FAF1: variants seen among roughly 807,000 people sequenced by gnomAD.
FAF1 encodes Fas associated factor 1.
In FAF1, 25 loss-of-function variants were observed where a neutral mutation model predicts 92.5. That is an observed-to-expected ratio of 0.27 (90% CI 0.20 to 0.38). The LOEUF (loss-of-function observed/expected upper bound fraction) is 0.38, where lower values mean the gene tolerates loss of function less well. Ranked by LOEUF, FAF1 falls within the 10% of genes least tolerant of loss-of-function variation. The pLI is 1.00. For missense variants in FAF1, 636 were observed against 793.3 expected, an observed-to-expected ratio of 0.80 and a Z score of 2.38; for synonymous variants, 234 against 273.2, an observed-to-expected ratio of 0.86 and a Z score of 1.42.
intron 7 of FAF1, among the ~76,000 whole-genome samples, chr1:50,704,658 T>A (rs1657600634): frequency 1.3e-5 from 2 of 152,208 alleles, no homozygotes; most frequent in Admixed American, 1.3e-4. Context: ...AATTACAATT[T>A]ATACATATTT....
chr1:50,779,761 T>C (rs1159253240), intron 4 of FAF1, among the ~76,000 whole-genome samples: 1 of 151,942 alleles, frequency 6.6e-6, no homozygotes, highest in Non-Finnish European at 1.5e-5. Context: ...AGATGTCTTA[T>C]GGAAACCATA....
intron 12 of FAF1, among the ~76,000 whole-genome samples, chr1:50,577,796 A>G (rs1005888831): frequency 2.6e-5 from 4 of 152,238 alleles, no homozygotes; most frequent in African/African-American, 7.2e-5. Context: ...TGATCAGTAC[A>G]TTATCAGAAG....
chr1:50,755,867 C>T (rs1162067769), intron 4 of FAF1, among the ~76,000 whole-genome samples: 1 of 152,190 alleles, frequency 6.6e-6, no homozygotes, highest in Non-Finnish European at 1.5e-5. Context: ...TCCTTTCAGC[C>T]ACAGCTGCAG....
At chr1:50,690,998 C>A (rs1656896959) in intron 7 of FAF1, among the ~76,000 whole-genome samples, 2 of 152,170 alleles carry the variant, frequency 1.3e-5, no homozygotes, top group Admixed American at 1.3e-4. Context: ...TGGACTTCCA[C>A]ATTTTGGCTA....
chr1:50,883,277 A>G (rs1316604970), intron 1 of FAF1, among the ~76,000 whole-genome samples: 1 of 152,242 alleles, frequency 6.6e-6, no homozygotes, highest in African/African-American at 2.4e-5. Flanking sequence ...CACTGAATAA[A>G]TAAAAATCCA....
At chr1:50,819,630 T>C (rs1644012959) in intron 2 of FAF1, among the ~76,000 whole-genome samples, 1 of 104,730 alleles carries the variant, frequency 9.5e-6, no homozygotes, top group African/African-American at 5.0e-5. Context: ...ACCGACTGAC[T>C]GACTCACTCA....
intron 6 of FAF1, among the ~76,000 whole-genome samples, chr1:50,723,520 G>C (rs1030918519): frequency 6.6e-6 from 1 of 152,136 alleles, no homozygotes; most frequent in African/African-American, 2.4e-5. Context: ...TCATGGTTGG[G>C]ATAACAGGGA....
chr1:50,721,118 C>T (rs756041920), intron 6 of FAF1, among the ~76,000 whole-genome samples: 2 of 152,064 alleles, frequency 1.3e-5, no homozygotes, highest in Non-Finnish European at 2.9e-5. Context: ...TGCTTCCCTA[C>T]AATATCATTC....
At chr1:50,490,467 AAAG>A in intron 17 of FAF1, 118 bp downstream of exon 17, 1 of 615,002 alleles carries the variant, frequency 1.6e-6, no homozygotes, top group Non-Finnish European at 2.9e-6. Flanking sequence ...AAGGAAAAAG[AAAG>A]AAGGAAGGAA....
intron 1 of FAF1, among the ~76,000 whole-genome samples, chr1:50,910,617 T>C (rs112701504): frequency 0.019 from 2,900 of 152,036 alleles, 92 homozygotes; most frequent in African/African-American, 0.067. Context: ...TGCTGTGGCC[T>C]TGCAGTTCGA....
intron 6 of FAF1, among the ~76,000 whole-genome samples, chr1:50,728,974 G>A (rs1325664569): frequency 2.0e-5 from 3 of 147,166 alleles, no homozygotes; most frequent in Non-Finnish European, 3.0e-5. Flanking sequence ...TCATTAAATA[G>A]TAAGGCTGAG....
chr1:50,730,480 ATCTT>A (rs536630219), intron 6 of FAF1, among the ~76,000 whole-genome samples: 20 of 151,516 alleles, frequency 1.3e-4, no homozygotes, highest in South Asian at 2.1e-4. Flanking sequence ...CTGCTCTTTA[ATCTT>A]TCTTTCTATT....
Position 50,451,595 on chromosome 1 carries a change from C to T in FAF1, c.1870-10072G>A, listed in dbSNP as rs369830715. Reference sequence around the variant, plus strand: ...TAGACTATTTATTCTAAGTCCCTTGCTTGGGAGGACTGTACCCTTCGTGTA... The same window carrying T: ...TAGACTATTTATTCTAAGTCCCTTGTTTGGGAGGACTGTACCCTTCGTGTA... On this transcript the variant is annotated intron_variant, in intron 18 of 18. Transcript: ENST00000396153. 4.6e-5 allele frequency among the ~76,000 whole-genome samples: 7 copies of T among 152,326 alleles called. No homozygotes were observed. In the East Asian group the frequency reaches 1.2e-3, roughly 25 times the overall value.
At chr1:50,919,431 G>A (rs1015849252) in intron 1 of FAF1, among the ~76,000 whole-genome samples, 7 of 151,346 alleles carry the variant, frequency 4.6e-5, no homozygotes, top group East Asian at 1.9e-4. Context: ...TATATAACAC[G>A]TATAAGTAAA....
At chr1:50,772,085 C>T (rs577843556) in intron 4 of FAF1, among the ~76,000 whole-genome samples, 72 of 152,166 alleles carry the variant, frequency 4.7e-4, no homozygotes, top group Admixed American at 2.7e-3. Context: ...GTAGATGTTG[C>T]TCAACTGCAA....
At chr1:50,909,299 C>G (rs1644864918) in intron 1 of FAF1, among the ~76,000 whole-genome samples, 1 of 152,178 alleles carries the variant, frequency 6.6e-6, no homozygotes, top group African/African-American at 2.4e-5. Context: ...TCTCTGGCTA[C>G]CCTTAACATC....
chr1:50,862,451 A>T (rs971673358), intron 1 of FAF1, among the ~76,000 whole-genome samples: 12 of 151,930 alleles, frequency 7.9e-5, no homozygotes, highest in African/African-American at 2.9e-4. Context: ...AGGAGAATAA[A>T]GATGGGATAG....
chr1:50,894,663 A>G (rs1434923796), intron 1 of FAF1, among the ~76,000 whole-genome samples: 16 of 152,326 alleles, frequency 1.1e-4, no homozygotes, highest in Admixed American at 7.8e-4. Flanking sequence ...GAAATAATAT[A>G]AAGTACCTTC....
intron 9 of FAF1, among the ~76,000 whole-genome samples, chr1:50,594,185 C>T (rs1448791390): frequency 2.6e-5 from 4 of 151,596 alleles, no homozygotes; most frequent in Admixed American, 6.6e-5. Context: ...TGTGGTGGTG[C>T]GTGCCTGTAA....
Sources: gnomAD v4.1 joint callset for allele counts (sites outside exome capture counted in the v4.1 genomes callset) on GRCh38, gnomAD v4.1.1 for gene constraint, MANE v1.5 for transcripts, NCBI Gene and HGNC (gene_info 2026-07-23, HGNC 2026-07-21) for gene names.